Variants in DPP6 observed in about 807,000 individuals in gnomAD.
DPP6 encodes A-type potassium channel modulatory protein DPP6.
In DPP6, 69 loss-of-function variants were observed where a neutral mutation model predicts 122.6. The observed-to-expected ratio is 0.56, with a 90% CI of 0.46 to 0.69. The LOEUF is 0.69. Among genes scored for constraint, DPP6 ranks in the 30% least tolerant of loss-of-function variants. The probability of loss-of-function intolerance (pLI) is 0.00; values close to 1 mark genes in which losing one functional copy is unlikely to be tolerated. For missense variants in DPP6, 928 were observed against 1,116.9 expected, an observed-to-expected ratio of 0.83 and a Z score of 2.41; for synonymous variants, 418 against 433.1, an observed-to-expected ratio of 0.97 and a Z score of 0.43.
intron 1 of DPP6, among the ~76,000 whole-genome samples, chr7:154,031,982 C>T (rs1799260250): frequency 6.6e-6 from 1 of 151,294 alleles, no homozygotes; most frequent in African/African-American, 2.4e-5. Context: ...CTGCCTCAGC[C>T]TCCCGAGTAG....
chr7:154,651,712 C>T (rs1029213939), intron 6 of DPP6, among the ~76,000 whole-genome samples: 2 of 152,152 alleles, frequency 1.3e-5, no homozygotes, highest in Non-Finnish European at 2.9e-5. Flanking sequence ...CTCTGGTTTC[C>T]GCCGTCCCAA....
the DPP6 span, among the ~76,000 whole-genome samples, chr7:153,869,161 A>G: frequency 2.6e-5 from 4 of 152,176 alleles, no homozygotes; most frequent in African/African-American, 7.2e-5. Flanking sequence ...GTAGATGTCT[A>G]TTAGGTCCGC....
At chr7:154,887,146 G>A (rs576339462) in intron 22 of DPP6, among the ~76,000 whole-genome samples, 14 of 152,232 alleles carry the variant, frequency 9.2e-5, no homozygotes, top group African/African-American at 2.6e-4. Flanking sequence ...TCTCCTGGGC[G>A]CCCTCAGGCT....
Position 154,403,474 on chromosome 7 carries a change from C to T in DPP6, c.244-42740C>T, listed in dbSNP as rs931705625. ...AAATGGGGGCAGCCATGCATGAAGA[C>T]AGGCTGGGGGGCGCTAATGCAGCTT... On this transcript the variant is annotated intron_variant, in intron 1 of 25. Transcript: ENST00000377770. This position sits in a 1 kb window ranked among gnomAD's most constrained non-coding sequence, Gnocchi z 4.1. 1.2e-4 allele frequency among the ~76,000 whole-genome samples: 18 copies of T among 152,296 alleles called. No individual in the cohort carries two copies. The highest frequency in any genetic ancestry group is 8.3e-4 in the South Asian group (4 of 4,824).
chr7:154,147,460 TCC>T (rs1796153791), intron 1 of DPP6, among the ~76,000 whole-genome samples: 1 of 136,052 alleles, frequency 7.4e-6, no homozygotes, highest in Non-Finnish European at 1.5e-5. Context: ...CTTCCTTCCT[TCC>T]TTCCTTCCTT....
chr7:154,370,388 G>A (rs1586079635), intron 1 of DPP6, among the ~76,000 whole-genome samples: 1 of 151,664 alleles, frequency 6.6e-6, no homozygotes, highest in African/African-American at 2.4e-5. Flanking sequence ...TGGGGGGGAG[G>A]GGGGATGGGC....
In DPP6 at chr7:154,875,467, G is replaced by A. The variant is rs1191571020; in HGVS notation, c.1884-439G>A. ...AGAGACAGACCACGTCTTCAAGCCAGGGATGTGGCTAGAGTCAGCGCGGCC... is the reference window on the plus strand; with the variant it reads ...AGAGACAGACCACGTCTTCAAGCCAAGGATGTGGCTAGAGTCAGCGCGGCC... On this transcript the variant is annotated intron_variant, in intron 19 of 25. Transcript: ENST00000377770. This position sits in a 1 kb window ranked among gnomAD's most constrained non-coding sequence, Gnocchi z 4.5. Among the ~76,000 whole-genome samples, 1 of 152,238 alleles carries A rather than the reference G, an allele frequency of 6.6e-6. No homozygotes were observed. Among genetic ancestry groups the A allele is most frequent in the Non-Finnish European group, 1.5e-5 (1 of 68,048 alleles).
chr7:154,381,138 A>G (rs1340419417), intron 1 of DPP6, among the ~76,000 whole-genome samples: 1 of 152,088 alleles, frequency 6.6e-6, no homozygotes, highest in Non-Finnish European at 1.5e-5. Flanking sequence ...CACCAGATAC[A>G]GACATTTCCA....
At chr7:154,789,889 T>C (rs141601638) in intron 10 of DPP6, among the ~76,000 whole-genome samples, 348 of 152,302 alleles carry the variant, frequency 2.3e-3, no homozygotes, top group African/African-American at 7.9e-3. Context: ...CGACTTGATT[T>C]TTAGAAAATA....
At chr7:154,284,008 A>G (rs115576790) in intron 1 of DPP6, among the ~76,000 whole-genome samples, 1 of 152,206 alleles carries the variant, frequency 6.6e-6, no homozygotes, top group Non-Finnish European at 1.5e-5. Context: ...ACATTGCCTC[A>G]TGTTGGCCTC....
chr7:153,872,918 C>G, the DPP6 span, among the ~76,000 whole-genome samples: 15 of 152,328 alleles, frequency 9.8e-5, no homozygotes, highest in East Asian at 2.9e-3. Flanking sequence ...TTATCATACT[C>G]TACAGCTAGA....
intron 1 of DPP6, among the ~76,000 whole-genome samples, chr7:153,943,649 C>G (rs770575165): frequency 6.6e-6 from 1 of 152,204 alleles, no homozygotes; most frequent in Non-Finnish European, 1.5e-5. Context: ...CAGGAAGCCA[C>G]ACACTCAGCT....
chr7:154,350,476 A>G (rs1409764946), intron 1 of DPP6, among the ~76,000 whole-genome samples: 1 of 152,130 alleles, frequency 6.6e-6, no homozygotes, highest in Non-Finnish European at 1.5e-5. Context: ...CATTACTTAA[A>G]ATGACTGTGT....
At chr7:154,030,472 C>T (rs924585435) in intron 1 of DPP6, among the ~76,000 whole-genome samples, 1 of 152,094 alleles carries the variant, frequency 6.6e-6, no homozygotes, top group Non-Finnish European at 1.5e-5. Flanking sequence ...TCCAGACAGG[C>T]TTACACCATC....
At chr7:154,843,883 G>A (rs1000755070) in intron 16 of DPP6, among the ~76,000 whole-genome samples, 1 of 152,204 alleles carries the variant, frequency 6.6e-6, no homozygotes, top group African/African-American at 2.4e-5. Context: ...GCATCAAAGC[G>A]TATTTTCATG....
intron 1 of DPP6, among the ~76,000 whole-genome samples, chr7:153,890,306 T>A (rs187754053): frequency 2.4e-4 from 37 of 152,334 alleles, no homozygotes; most frequent in Admixed American, 1.9e-3. Flanking sequence ...AAAGACACTT[T>A]GCACTGCCCA....
At chr7:154,712,136 G>A (rs1307905484) in intron 7 of DPP6, among the ~76,000 whole-genome samples, 1 of 152,098 alleles carries the variant, frequency 6.6e-6, no homozygotes, top group Non-Finnish European at 1.5e-5. Context: ...TAAACCTTGG[G>A]ATAGTTTTCC....
At chr7:153,957,576 A>AGGCCTG (rs1802519326) in intron 1 of DPP6, among the ~76,000 whole-genome samples, 3 of 152,212 alleles carry the variant, frequency 2.0e-5, no homozygotes, top group Admixed American at 2.0e-4. Flanking sequence ...GGCGAGAAGG[A>AGGCCTG]GGCCTGGGCA....
chr7:154,202,912 A>G lies in DPP6; in HGVS notation c.243+149849A>G, dbSNP rs368932538. On this transcript the variant is annotated intron_variant, in intron 1 of 25. Coordinates refer to ENST00000377770, the MANE Select transcript of DPP6 (RefSeq NM_130797.4). ...TGTCAGCTAACAGGCACAGGCATGC[A>G]TACATACACACGAAGCATTTTATTT... is the stretch of plus-strand genomic sequence containing the variant. Among the ~76,000 whole-genome samples, 6 of 152,326 alleles carry G rather than the reference A, an allele frequency of 3.9e-5. No individual in the cohort carries two copies. In the East Asian group the frequency reaches 9.7e-4, roughly 25 times the overall value.
Sources: gnomAD v4.1 joint callset for allele counts (sites outside exome capture counted in the v4.1 genomes callset) on GRCh38, gnomAD v4.1.1 for gene constraint, Gnocchi (gnomAD v3.1) non-coding constraint, MANE v1.5 for transcripts, NCBI Gene and HGNC (gene_info 2026-07-23, HGNC 2026-07-21) for gene names.